Variants in NSDHL observed in about 807,000 individuals in gnomAD.
The protein encoded by NSDHL is NAD(P) dependent 3-beta-hydroxysteroid dehydrogenase NSDHL, also known as sterol-4-alpha-carboxylate 3-dehydrogenase, decarboxylating.
A neutral mutation model predicts 23.0 loss-of-function variants in NSDHL; 1 was observed. That is an observed-to-expected ratio of 0.04 (90% CI 0.02 to 0.21). NSDHL has a LOEUF of 0.21. Among genes scored for constraint, NSDHL ranks in the 10% least tolerant of loss-of-function variants. The probability of loss-of-function intolerance (pLI) is 1.00; values close to 1 mark genes in which losing one functional copy is unlikely to be tolerated. For synonymous variants in NSDHL, 128 were observed against 121.1 expected, an observed-to-expected ratio of 1.06 and a Z score of -0.37; for missense variants, 237 against 300.9, an observed-to-expected ratio of 0.79 and a Z score of 1.57.
At chrX:152,835,589 A>G (rs370171080) in intron 1 of NSDHL, among the ~76,000 whole-genome samples, 1 of 109,172 alleles carries the variant, frequency 9.2e-6, no homozygotes, top group Non-Finnish European at 1.9e-5. Flanking sequence ...TGAGAATGAT[A>G]GTTTCCAGCT....
chrX:152,865,201 C>G (rs781993850), intron 5 of NSDHL, among the ~76,000 whole-genome samples: 3 of 112,550 alleles, frequency 2.7e-5, no homozygotes, highest in African/African-American at 9.7e-5. Context: ...AGCACTGGCT[C>G]TGGACCAGGC....
chrX:152,847,274 G>T (rs1420579574), intron 2 of NSDHL, among the ~76,000 whole-genome samples: 2 of 112,380 alleles, frequency 1.8e-5, no homozygotes, highest in Non-Finnish European at 3.8e-5. Context: ...TTGCACTCCA[G>T]CCTGGGCGAC....
chrX:152,860,179 A>G (rs1162132436), intron 4 of NSDHL, among the ~76,000 whole-genome samples: 1 of 112,502 alleles, frequency 8.9e-6, no homozygotes, highest in Non-Finnish European at 1.9e-5. Context: ...GGCCCTGGAA[A>G]AGATCACTTA....
chrX:152,853,128 CGTGTGTGTGT>C (rs35307183), intron 3 of NSDHL, among the ~76,000 whole-genome samples: 5 of 97,137 alleles, frequency 5.1e-5, no homozygotes, highest in East Asian at 3.4e-4. Context: ...CTCTCAGGCA[CGTGTGTGTGT>C]GTGTGTGTGT....
chrX:152,840,384 C>T (rs1411122069), intron 1 of NSDHL, among the ~76,000 whole-genome samples: 4 of 112,135 alleles, frequency 3.6e-5, no homozygotes, highest in Admixed American at 9.4e-5. Flanking sequence ...AGAAGAGGCA[C>T]GCTGGTTTTT....
chrX:152,863,620 C>T (rs1933561594), intron 5 of NSDHL, among the ~76,000 whole-genome samples: 1 of 112,892 alleles, frequency 8.9e-6, no homozygotes, highest in African/African-American at 3.2e-5. Context: ...TGGTTGGATT[C>T]AGCCACGGTC....
intron 4 of NSDHL, 133 bp downstream of exon 4, chrX:152,859,049 A>G (rs782296537): frequency 3.5e-5 from 18 of 515,661 alleles, no homozygotes; most frequent in Admixed American, 7.0e-5. Flanking sequence ...GATCTTAGAA[A>G]TGAAGCCCTT....
intron 1 of NSDHL, among the ~76,000 whole-genome samples, chrX:152,839,526 T>C (rs1556844617): frequency 2.7e-5 from 3 of 112,295 alleles, no homozygotes; most frequent in African/African-American, 9.7e-5. Context: ...TTTGTTTGTC[T>C]GTAAAGGATT....
intron 1 of NSDHL, 117 bp from the exon 2 acceptor site, chrX:152,846,165 A>T (rs1242099195): frequency 4.0e-6 from 2 of 505,259 alleles, no homozygotes; most frequent in African/African-American, 4.6e-5. Context: ...AGCTGTCGCT[A>T]TGGTTCAGCT....
Position 152,869,688 on chromosome X carries a change from G to A in NSDHL, c.*572G>A, listed in dbSNP as rs1462186305. The A allele has an allele frequency of 7.8e-6, 1 of 128,099 alleles. No individual in the cohort carries two copies. Among genetic ancestry groups the A allele is most frequent in the Non-Finnish European group, 1.6e-5 (1 of 61,608 alleles). 10.6% of individuals were successfully genotyped at this position (128,099 alleles called of 1,213,427 possible). On this transcript the variant is annotated 3_prime_UTR_variant, in exon 8 of 8. Transcript: ENST00000370274. Reference sequence around the variant, plus strand: ...CTGTAATTCCTCCCCAGTCTCTGTTGCTTGTTCAACTCCTTACATGTTCCA... The same window carrying A: ...CTGTAATTCCTCCCCAGTCTCTGTTACTTGTTCAACTCCTTACATGTTCCA...
chrX:152,866,070 G>T, intron 6 of NSDHL, 109 bp downstream of exon 6: 3 of 899,648 alleles, frequency 3.3e-6, no homozygotes, highest in South Asian at 2.0e-5. Flanking sequence ...TTATGTGACT[G>T]TCTTGGTCCA....
chrX:152,831,456 C>G lies in NSDHL; in HGVS notation c.-44+339C>G, dbSNP rs782261131. Among the ~76,000 whole-genome samples the G allele has an allele frequency of 2.7e-5, 3 of 110,642 alleles. No individual in the cohort carries two copies. In the East Asian group the frequency reaches 8.6e-4, roughly 32 times the overall value. On this transcript the variant is annotated intron_variant, in intron 1 of 7. Coordinates refer to ENST00000370274, the MANE Select transcript of NSDHL (RefSeq NM_015922.3). ...CCCTAGACTGACCCAGATGTATAGG[C>G]CCCAGACCAGGTTCCAAGAGAGGAT...
At chrX:152,839,073 G>T (rs1933148849) in intron 1 of NSDHL, among the ~76,000 whole-genome samples, 1 of 111,877 alleles carries the variant, frequency 8.9e-6, no homozygotes, top group Admixed American at 9.5e-5. Flanking sequence ...TGTCTCTTTT[G>T]ATCTTTGTTG....
At chrX:152,838,828 G>A (rs949871066) in intron 1 of NSDHL, among the ~76,000 whole-genome samples, 1 of 111,698 alleles carries the variant, frequency 9.0e-6, no homozygotes, top group Non-Finnish European at 1.9e-5. Context: ...TTGGTGCAGA[G>A]CTGAGTTCAA....
At chrX:152,858,983 G>A (rs1373210721) in intron 4 of NSDHL, 67 bp downstream of exon 4, 22 of 960,529 alleles carry the variant, frequency 2.3e-5, no homozygotes, top group African/African-American at 5.7e-5. Context: ...GTGCAAGGCC[G>A]TAGTTCTTGC....
chrX:152,855,561 A>G (rs1933432503), intron 3 of NSDHL, among the ~76,000 whole-genome samples: 2 of 112,327 alleles, frequency 1.8e-5, no homozygotes, highest in African/African-American at 3.2e-5. Flanking sequence ...AAATTCTTCA[A>G]AGATTAACTC....
intron 1 of NSDHL, among the ~76,000 whole-genome samples, chrX:152,844,050 G>A (rs1933234254): frequency 8.9e-6 from 1 of 111,924 alleles, no homozygotes; most frequent in Non-Finnish European, 1.9e-5. Flanking sequence ...AACTAAAGTG[G>A]TGGAGAGAGT....
chrX:152,852,521 C>T (rs1556846423), intron 3 of NSDHL, among the ~76,000 whole-genome samples: 1 of 27,196 alleles, frequency 3.7e-5, no homozygotes, highest in Non-Finnish European at 8.4e-5. Flanking sequence ...TCTACAGCAA[C>T]ACCTACACTG....
At chrX:152,840,898 G>A (rs782523153) in intron 1 of NSDHL, among the ~76,000 whole-genome samples, 5 of 113,333 alleles carry the variant, frequency 4.4e-5, no homozygotes, top group Non-Finnish European at 9.4e-5. Flanking sequence ...GTTCAGCTAT[G>A]CCATGCCCAC....
Sources: gnomAD v4.1 joint callset for allele counts (sites outside exome capture counted in the v4.1 genomes callset) on GRCh38, gnomAD v4.1.1 for gene constraint, MANE v1.5 for transcripts, NCBI Gene and HGNC (gene_info 2026-07-23, HGNC 2026-07-21) for gene names.